The following RPGRIP1 variants were observed in gnomAD, a reference collection of about 807,000 sequenced individuals.
RPGRIP1 encodes the protein X-linked retinitis pigmentosa GTPase regulator-interacting protein 1.
In RPGRIP1, 128 loss-of-function variants were observed where a neutral mutation model predicts 157.9. The observed-to-expected ratio is 0.81, with a 90% confidence interval of 0.70 to 0.94. The LOEUF is 0.94. Ranked by LOEUF, RPGRIP1 falls within the 40% of genes least tolerant of loss-of-function variation. RPGRIP1 has a pLI of 0.00. For missense variants in RPGRIP1, 1,486 were observed against 1,545.8 expected (o/e 0.96, Z 0.65); for synonymous variants, 554 against 571.6 (o/e 0.97, Z 0.44).
chr14:21,329,098 C>T (rs1566349423), intron 19 of RPGRIP1, among the ~76,000 whole-genome samples: 1 of 144,666 alleles, frequency 6.9e-6, no homozygotes, highest in Non-Finnish European at 1.5e-5. Context: ...GAGCTAAGAT[C>T]GCGCCATTGC....
chr14:21,294,762 CAT>C lies in RPGRIP1; in HGVS notation c.172_173del (p.Met58ValfsTer12). ...GTTTCTTTCGACTTCGCGAAGATCACATGTTGGTGAAGGAGCTTTCTTGGAAG... is the reference window on the plus strand; with the variant it reads ...GTTTCTTTCGACTTCGCGAAGATCACGTTGGTGAAGGAGCTTTCTTGGAAG... ...DSFFRLREDH[M>X]LVKELSWKQQ... On this transcript the variant is annotated frameshift_variant, in exon 3 of 25. Coordinates refer to ENST00000400017, the MANE Select transcript of RPGRIP1 (RefSeq NM_020366.4). LOFTEE classifies it high-confidence loss of function. 6.3e-7 allele frequency: 1 copy of C among 1,597,880 alleles called. No homozygotes were observed. The highest frequency in any genetic ancestry group is 8.5e-7 in the Non-Finnish European group (1 of 1,170,688).
At chr14:21,335,046 CAAAA>C (rs869065591) in intron 21 of RPGRIP1, among the ~76,000 whole-genome samples, 4 of 28,048 alleles carry the variant, frequency 1.4e-4, no homozygotes, top group African/African-American at 3.8e-4. Context: ...AACTCTGTCT[CAAAA>C]AAAAAAAAAA....
intron 2 of RPGRIP1, 95 bp downstream of exon 2, chr14:21,288,156 C>A: frequency 2.6e-6 from 2 of 777,250 alleles, no homozygotes; most frequent in Non-Finnish European, 4.5e-6. Flanking sequence ...GATTTACTTT[C>A]AGCTCTTTTC....
intron 16 of RPGRIP1, 175 bp from the exon 17 acceptor site, chr14:21,325,656 C>A: frequency 1.5e-6 from 1 of 646,042 alleles, no homozygotes; most frequent in African/African-American, 1.8e-5. Flanking sequence ...CAGTATCTCC[C>A]TGAAATAACT....
chr14:21,287,882 G>A (rs1242754773), intron 1 of RPGRIP1, 57 bp from the exon 2 acceptor site: 26 of 757,504 alleles, frequency 3.4e-5, no homozygotes, highest in South Asian at 1.2e-4. Context: ...TTATGTACAC[G>A]TTTCAGAAGA....
intron 23 of RPGRIP1, among the ~76,000 whole-genome samples, chr14:21,347,337 G>GTATT (rs1885667050): frequency 6.6e-6 from 1 of 152,192 alleles, no homozygotes; most frequent in South Asian, 2.1e-4. Flanking sequence ...AAAGCACTTG[G>GTATT]TATTGTGCCC....
At chr14:21,312,019 T>C (rs1006099874) in intron 9 of RPGRIP1, 49 bp downstream of exon 9, 7 of 1,510,244 alleles carry the variant, frequency 4.6e-6, no homozygotes, top group Non-Finnish European at 6.4e-6. Context: ...ACTTCAGGGA[T>C]GTTAGAATGT....
chr14:21,282,608 T>TG (rs1418283926), intron 1 of RPGRIP1, among the ~76,000 whole-genome samples: 1 of 81,192 alleles, frequency 1.2e-5, no homozygotes, highest in East Asian at 2.5e-4. Flanking sequence ...ACATTCCATT[T>TG]TTTTTTTTTT....
At chr14:21,334,363 T>G (rs1451159536) in intron 20 of RPGRIP1, among the ~76,000 whole-genome samples, 5 of 152,148 alleles carry the variant, frequency 3.3e-5, no homozygotes, top group Admixed American at 2.0e-4. Context: ...TCTTCCTTCC[T>G]TTCTTCCTTT....
intron 23 of RPGRIP1, 128 bp from the exon 24 acceptor site, chr14:21,348,044 T>C (rs1885740104): frequency 1.3e-6 from 1 of 786,164 alleles, no homozygotes; most frequent in Non-Finnish European, 1.9e-6. Flanking sequence ...TGTCATTTTG[T>C]AAAATGGAGG....
intron 14 of RPGRIP1, among the ~76,000 whole-genome samples, chr14:21,322,623 A>ATCTC (rs879634482): frequency 3.4e-5 from 5 of 147,980 alleles, no homozygotes; most frequent in African/African-American, 2.5e-5. Context: ...GTAACACACA[A>ATCTC]TCTCTCTCTC....
chr14:21,347,288 G>C lies in RPGRIP1; in HGVS notation c.3618-884G>C, dbSNP rs374465244. Among the ~76,000 whole-genome samples the C allele has an allele frequency of 3.3e-5, 5 of 152,296 alleles. No individual in the cohort carries two copies. The East Asian group carries it at 9.6e-4, about 29-fold the overall frequency. ...CTTTTTGATATTACTTAATTTGAAG[G>C]CTCTTGTGAGAATAAAATTGAGCTA... On this transcript the variant is annotated intron_variant, in intron 23 of 24. Coordinates refer to ENST00000400017, the MANE Select transcript of RPGRIP1 (RefSeq NM_020366.4).
rs1429786931 is a variant in RPGRIP1, at chr14:21,326,017, C to T, written c.2554C>T (p.Arg852Ter). 1.2e-5 allele frequency: 20 copies of T among 1,613,872 alleles called. No homozygotes were observed. Among genetic ancestry groups the T allele is most frequent in the South Asian group, 1.1e-5 (1 of 91,084 alleles). Residue 852 changes from arginine (R) to a stop codon, truncating the protein, a stop_gained, in exon 17 of 25, where the codon CGA becomes TGA. Transcript: ENST00000400017. LOFTEE classifies it high-confidence loss of function. ...CAACCCCTACTTTAGAGACCAGGCTCGATTCCCAGTGCTTGTGACCTCTGA... is the reference window on the plus strand; with the variant it reads ...CAACCCCTACTTTAGAGACCAGGCTTGATTCCCAGTGCTTGTGACCTCTGA... ...SNNPYFRDQA[R>*]FPVLVTSDLD...
chr14:21,321,020 A>C (rs1882400809), intron 12 of RPGRIP1, among the ~76,000 whole-genome samples: 1 of 152,220 alleles, frequency 6.6e-6, no homozygotes, highest in African/African-American at 2.4e-5. Context: ...TGAGGACTTG[A>C]AAAGATCTGT....
intron 8 of RPGRIP1, 90 bp from the exon 9 acceptor site, chr14:21,311,734 C>T (rs1254602025): frequency 3.0e-6 from 3 of 995,878 alleles, no homozygotes; most frequent in Non-Finnish European, 2.9e-6. Flanking sequence ...TTTGTGACAT[C>T]TGTTAGAGAA....
rs72678689 is a variant in RPGRIP1 at position 21,325,149 on chromosome 14, T to A, written c.2215+79T>A. The A allele has an allele frequency of 5.4e-3, 8,235 of 1,538,828 alleles. 32 individuals carry two copies. The highest frequency in any genetic ancestry group is 6.0e-3 in the Non-Finnish European group (6,902 of 1,144,312). ...AGCCTACAGTTGCTTTTCTGGTGGT[T>A]TCTTATTTTCTTCCTTTGTCTTGTT... is the stretch of plus-strand genomic sequence containing the variant. On this transcript the variant is annotated intron_variant, in intron 15 of 24. Transcript: ENST00000400017.
intron 3 of RPGRIP1, among the ~76,000 whole-genome samples, chr14:21,297,877 C>CTTTCTTTCTTTCT (rs1555365066): frequency 6.7e-6 from 1 of 150,056 alleles, no homozygotes; most frequent in Non-Finnish European, 1.5e-5. Context: ...TTCTTTCTTT[C>CTTTCTTTCTTTCT]TTTTTTTTGA....
rs1594373483 is a variant in RPGRIP1, at chr14:21,292,567, C to T, written c.86-2110C>T. ...ATAAAAAATTTAAAAATTGGCCAGG[C>T]ATGGTGGCTTATGCCTGTAATCCCA... On this transcript the variant is annotated intron_variant, in intron 2 of 24. Coordinates refer to ENST00000400017, the MANE Select transcript of RPGRIP1 (RefSeq NM_020366.4). Among the ~76,000 whole-genome samples the T allele has an allele frequency of 2.0e-5, 3 of 151,976 alleles. No homozygotes were observed. The South Asian group carries it at 6.2e-4, about 31-fold the overall frequency.
chr14:21,337,094 A>T (rs1261198927), intron 21 of RPGRIP1, among the ~76,000 whole-genome samples: 1 of 152,186 alleles, frequency 6.6e-6, no homozygotes, highest in Non-Finnish European at 1.5e-5. Context: ...TCAAAACTTG[A>T]GTTCTGTCAC....
Sources: allele counts gnomAD v4.1 joint callset (sites outside exome capture counted in the v4.1 genomes callset), GRCh38; gene constraint gnomAD v4.1.1; transcripts MANE v1.5; gene names NCBI Gene and HGNC (gene_info 2026-07-23, HGNC 2026-07-21).